The following CPNE8 variants were observed in gnomAD, a reference collection of about 807,000 sequenced individuals.
The protein encoded by CPNE8 is copine-8.
A neutral mutation model predicts 81.5 loss-of-function variants in CPNE8; 45 were observed. That is an observed-to-expected ratio of 0.55 (90% CI 0.44 to 0.71). The LOEUF (loss-of-function observed/expected upper bound fraction) is 0.71. Among genes scored for constraint, CPNE8 ranks in the 30% least tolerant of loss-of-function variants. CPNE8 has a pLI of 0.00. For missense variants in CPNE8, 594 were observed against 672.1 expected (o/e 0.88, Z 1.28); for synonymous variants, 252 against 226.3 (o/e 1.11, Z -1.02).
intron 7 of CPNE8, 148 bp from the exon 8 acceptor site, chr12:38,767,886 C>T (rs1055711589): frequency 1.2e-4 from 56 of 469,010 alleles, no homozygotes; most frequent in African/African-American, 1.0e-3. Flanking sequence ...CATAAAATTG[C>T]TTTTTAAAGG....
intron 11 of CPNE8, among the ~76,000 whole-genome samples, chr12:38,728,154 T>C (rs1940745652): frequency 6.6e-6 from 1 of 152,072 alleles, no homozygotes; most frequent in Admixed American, 6.6e-5. Context: ...TTTCCAGCAT[T>C]CAACAACAAC....
chr12:38,782,178 T>A (rs975760541), intron 6 of CPNE8, among the ~76,000 whole-genome samples: 8 of 152,190 alleles, frequency 5.3e-5, no homozygotes, highest in Non-Finnish European at 1.2e-4. Flanking sequence ...TTTTCTGTAC[T>A]ATTGTAACTT....
chr12:38,766,506 C>A (rs1441298575), intron 8 of CPNE8, among the ~76,000 whole-genome samples: 1 of 152,138 alleles, frequency 6.6e-6, no homozygotes, highest in Non-Finnish European at 1.5e-5. Context: ...TAGTATAACA[C>A]TATAGCAAAT....
chr12:38,771,713 A>C (rs1192986907), intron 7 of CPNE8, among the ~76,000 whole-genome samples: 1 of 152,132 alleles, frequency 6.6e-6, no homozygotes, highest in South Asian at 2.1e-4. Context: ...TAATATTCCC[A>C]TTTTTAGAAG....
At chr12:38,703,382 C>T (rs1940000549) in intron 13 of CPNE8, among the ~76,000 whole-genome samples, 1 of 152,022 alleles carries the variant, frequency 6.6e-6, no homozygotes, top group South Asian at 2.1e-4. Context: ...TTGACAATCC[C>T]CCAAACACAC....
chr12:38,830,153 C>A (rs1047832505), intron 5 of CPNE8, among the ~76,000 whole-genome samples: 3 of 152,032 alleles, frequency 2.0e-5, no homozygotes, highest in African/African-American at 7.2e-5. Context: ...CTCAGAATAA[C>A]CCTGTAAATG....
At chr12:38,892,548 G>A (rs533553735) in intron 1 of CPNE8, among the ~76,000 whole-genome samples, 7 of 152,240 alleles carry the variant, frequency 4.6e-5, no homozygotes, top group East Asian at 3.9e-4. Context: ...TAAAAGTACC[G>A]AAACCATTCA....
rs3803019 is a variant in CPNE8 at position 38,839,624 on chromosome 12, T to G, written c.330+292A>C. Among the ~76,000 whole-genome samples, 17 of 152,280 alleles carry G rather than the reference T, an allele frequency of 1.1e-4. No homozygotes were observed. The East Asian group carries it at 3.3e-3, about 29-fold the overall frequency. On this transcript the variant is annotated intron_variant, in intron 5 of 19. Transcript: ENST00000331366. ...CAAAAAGACACTTGCAATTTCATCT[T>G]GCTTAACCTGATCTAACTTCAAACA...
chr12:38,818,829 C>T (rs1203953474), intron 6 of CPNE8, among the ~76,000 whole-genome samples: 2 of 152,208 alleles, frequency 1.3e-5, no homozygotes, highest in African/African-American at 2.4e-5. Flanking sequence ...GCCATTCTAA[C>T]TGGCATGAGA....
chr12:38,777,441 G>C (rs1013948070), intron 6 of CPNE8, among the ~76,000 whole-genome samples: 3 of 151,956 alleles, frequency 2.0e-5, no homozygotes, highest in East Asian at 3.8e-4. Context: ...AGTAAGTTAA[G>C]GTTAATTTAT....
intron 10 of CPNE8, among the ~76,000 whole-genome samples, chr12:38,737,672 A>T (rs893043669): frequency 6.6e-6 from 1 of 152,092 alleles, no homozygotes; most frequent in South Asian, 2.1e-4. Flanking sequence ...ACCACATGTC[A>T]TTGAAAGATA....
intron 16 of CPNE8, among the ~76,000 whole-genome samples, chr12:38,683,095 AT>A (rs1413316940): frequency 1.1e-4 from 17 of 152,256 alleles, no homozygotes; most frequent in Admixed American, 1.1e-3. Flanking sequence ...ATTTTACAAT[AT>A]TGTTACCTCA....
At chr12:38,809,763 C>T (rs549138114) in intron 6 of CPNE8, among the ~76,000 whole-genome samples, 1 of 152,262 alleles carries the variant, frequency 6.6e-6, no homozygotes, top group South Asian at 2.1e-4. Context: ...CATCTAAATC[C>T]TTTAAATCAC....
chr12:38,798,634 C>T (rs1419021715), intron 6 of CPNE8, among the ~76,000 whole-genome samples: 1 of 151,796 alleles, frequency 6.6e-6, no homozygotes, highest in African/African-American at 2.4e-5. Flanking sequence ...GAAGAAACTG[C>T]ATCAACTAAC....
intron 7 of CPNE8, among the ~76,000 whole-genome samples, chr12:38,770,123 C>A (rs1941771957): frequency 6.6e-6 from 1 of 152,172 alleles, no homozygotes; most frequent in South Asian, 2.1e-4. Flanking sequence ...CTCTTTAATA[C>A]TCCACATATA....
chr12:38,812,207 A>G (rs1249820273), intron 6 of CPNE8, among the ~76,000 whole-genome samples: 1 of 152,226 alleles, frequency 6.6e-6, no homozygotes, highest in African/African-American at 2.4e-5. Context: ...GAACAGGTGC[A>G]GAAATAGTCC....
At chr12:38,755,012 G>A (rs1385305994) in intron 10 of CPNE8, among the ~76,000 whole-genome samples, 3 of 152,126 alleles carry the variant, frequency 2.0e-5, no homozygotes, top group African/African-American at 4.8e-5. Context: ...GAGTTCTAAT[G>A]TTTTAGACAA....
intron 3 of CPNE8, among the ~76,000 whole-genome samples, chr12:38,858,435 TACACCA>T (rs1943779939): frequency 6.6e-6 from 1 of 152,238 alleles, no homozygotes; most frequent in African/African-American, 2.4e-5. Flanking sequence ...CAAGCAGGGC[TACACCA>T]TAGGCAATGT....
intron 6 of CPNE8, among the ~76,000 whole-genome samples, chr12:38,793,005 G>T (rs2136933320): frequency 6.6e-6 from 1 of 151,946 alleles, no homozygotes; most frequent in South Asian, 2.1e-4. Context: ...CTTAACTGAT[G>T]CAGAAAAAGC....
Sources: gnomAD v4.1 joint callset for allele counts (sites outside exome capture counted in the v4.1 genomes callset) on GRCh38, gnomAD v4.1.1 for gene constraint, MANE v1.5 for transcripts, NCBI Gene and HGNC (gene_info 2026-07-23, HGNC 2026-07-21) for gene names.